CATSPERD: variants seen among roughly 807,000 people sequenced by gnomAD.
The protein encoded by CATSPERD is catsper channel auxiliary subunit delta.
A neutral mutation model predicts 98.1 loss-of-function variants in CATSPERD; 86 were observed. The ratio of observed to expected loss-of-function variants is 0.88; its 90% CI spans 0.74 to 1.05. CATSPERD has a LOEUF of 1.05. CATSPERD is among the 50% of genes least tolerant of loss of function. CATSPERD has a pLI of 0.00. For missense variants in CATSPERD, 995 were observed against 1,005.7 expected (o/e 0.99, Z 0.14); for synonymous variants, 394 against 390.2 (o/e 1.01, Z -0.12).
In CATSPERD at chr19:5,757,655, C is replaced by T. The variant is rs1287760842; in HGVS notation, c.1279-188C>T. Among the ~76,000 whole-genome samples the T allele has an allele frequency of 2.9e-5, 4 of 138,430 alleles. 2 individuals carry two copies. In the South Asian group the frequency reaches 9.1e-4, roughly 32 times the overall value. 90.8% of individuals were successfully genotyped at this position (138,430 alleles called of 152,430 possible). On this transcript the variant is annotated intron_variant, in intron 13 of 21. Transcript: ENST00000381624. Reference sequence around the variant, plus strand: ...AGGATCTCTCTGTGTTGCCCAGGCTCGTCTTGAACTCCTGGGCTCAAGCAG... The same window carrying T: ...AGGATCTCTCTGTGTTGCCCAGGCTTGTCTTGAACTCCTGGGCTCAAGCAG...
chr19:5,728,368 A>T (rs941797299), intron 3 of CATSPERD, among the ~76,000 whole-genome samples: 11 of 149,996 alleles, frequency 7.3e-5, no homozygotes, highest in African/African-American at 2.7e-4. Context: ...AAAAAAAAAA[A>T]AAAAAAGAAA....
At chr19:5,777,670 G>C (rs896178410) in intron 21 of CATSPERD, among the ~76,000 whole-genome samples, 1 of 152,134 alleles carries the variant, frequency 6.6e-6, no homozygotes, top group Non-Finnish European at 1.5e-5. Flanking sequence ...ATCACTTGAA[G>C]TCAGGAGTTC....
At chr19:5,756,108 C>G (rs1360658627) in intron 13 of CATSPERD, among the ~76,000 whole-genome samples, 3 of 151,602 alleles carry the variant, frequency 2.0e-5, no homozygotes, top group Admixed American at 6.6e-5. Context: ...TAGTGAAACC[C>G]CATTTCTACT....
chr19:5,755,878 G>A (rs1002482962), intron 13 of CATSPERD, among the ~76,000 whole-genome samples: 48 of 152,192 alleles, frequency 3.2e-4, no homozygotes, highest in African/African-American at 1.1e-3. Flanking sequence ...TAAGGCAGGA[G>A]GCTGAGGCAG....
In CATSPERD at chr19:5,772,890, CAT is replaced by C. The variant is rs1457280395; in HGVS notation, c.1867_1868del (p.Met623ValfsTer85). The C allele has an allele frequency of 6.2e-7, 1 of 1,614,140 alleles. No individual in the cohort carries two copies. Among genetic ancestry groups the C allele is most frequent in the Admixed American group, 1.7e-5 (1 of 59,998 alleles). On this transcript the variant is annotated frameshift_variant, in exon 20 of 22. Transcript: ENST00000381624. LOFTEE classifies it high-confidence loss of function. ...YSYSLTAQSA[M>X]CTSQPQNWTT... ...CCTATTCCCTGACGGCCCAGTCGGC[CAT>C]GTGTACCTCCCAGCCGCAGAACTGG...
At chr19:5,774,360 T>C (rs1232837445) in intron 20 of CATSPERD, among the ~76,000 whole-genome samples, 1 of 152,282 alleles carries the variant, frequency 6.6e-6, no homozygotes, top group East Asian at 1.9e-4. Flanking sequence ...TACTATTTTT[T>C]TTCCATCAGC....
At chr19:5,729,130 T>C (rs1162627854) in intron 3 of CATSPERD, among the ~76,000 whole-genome samples, 1 of 150,920 alleles carries the variant, frequency 6.6e-6, no homozygotes, top group Non-Finnish European at 1.5e-5. Context: ...TGTTTCACTC[T>C]TGTCGCCCAG....
chr19:5,763,324 C>T (rs781326354), intron 16 of CATSPERD, 31 bp downstream of exon 16: 14 of 1,574,160 alleles, frequency 8.9e-6, no homozygotes, highest in Middle Eastern at 1.7e-4. Context: ...GTCCCATATT[C>T]GGTGTCATAA....
chr19:5,733,687 C>T (rs1396130668), intron 4 of CATSPERD, among the ~76,000 whole-genome samples, 169 bp from the exon 5 acceptor site: 1 of 152,004 alleles, frequency 6.6e-6, no homozygotes, highest in Non-Finnish European at 1.5e-5. Flanking sequence ...AAACTCCTGA[C>T]CTCGGTGATC....
At position 5,778,451 on chromosome 19, in the gene CATSPERD, C is replaced by A. The variant is rs190490124; in HGVS notation, c.2172C>A (p.Val724=). ...CCGTGCAGCTGGTCTCTGCTGGAGT[C>A]GTCATCCTACTGATCATCTCCAGCA... ...AFPVQLVSAG[V]VILLIISSIL... Residue 724 remains valine, a synonymous_variant, in exon 22 of 22, where the codon GTC becomes GTA. Transcript: ENST00000381624. 12 of 1,613,836 alleles carry A rather than the reference C, an allele frequency of 7.4e-6. No homozygotes were observed. The highest frequency in any genetic ancestry group is 1.7e-5 in the Admixed American group (1 of 59,974).
intron 1 of CATSPERD, 106 bp from the exon 2 acceptor site, chr19:5,724,702 C>T (rs1359594684): frequency 6.8e-6 from 8 of 1,184,684 alleles, no homozygotes; most frequent in Middle Eastern, 2.0e-4. Flanking sequence ...CCGTCCCCCC[C>T]AAAAAAGAAC....
intron 15 of CATSPERD, among the ~76,000 whole-genome samples, chr19:5,761,989 T>C (rs8103994): frequency 0.81 from 107,140 of 131,934 alleles, 43,882 homozygotes; most frequent in Non-Finnish European, 0.86. Context: ...GTGCCCGCCT[T>C]GGCCTCCCAA....
Position 5,749,128 on chromosome 19 carries a change from GGGA to G in CATSPERD, c.936_938del (p.Glu312del). On this transcript the variant is annotated inframe_deletion, in exon 11 of 22. Coordinates refer to ENST00000381624, the MANE Select transcript of CATSPERD (RefSeq NM_152784.4). ...GAAAATGAACTGGCAGTTATAACTC[GGGA>G]GGATAATTTGTATTATGGCAATCTG... is the stretch of plus-strand genomic sequence containing the variant. 6.2e-7 allele frequency: 1 copy of G among 1,611,948 alleles called. No homozygotes were observed. Among genetic ancestry groups the G allele is most frequent in the Non-Finnish European group, 8.5e-7 (1 of 1,179,234 alleles).
chr19:5,739,357 G>C lies in CATSPERD; in HGVS notation c.491G>C (p.Arg164Pro), dbSNP rs199601443. The change falls in exon 7 of 22, where the codon CGT becomes CCT. Residue 164 changes from arginine to proline, a missense_variant. This residue lies in a region of CATSPERD where 228 missense variants were observed against 209.6 expected (regional missense o/e 1.09). Transcript: ENST00000381624. Reference protein sequence around the residue: ...HVSNLVFAYFRGDQISQTYIY... With the variant: ...HVSNLVFAYFPGDQISQTYIY... ...AGTAATTTGGTTTTTGCATATTTCC[G>C]TGGAGATCAGATATCCCAGACTTAT... 1 of 1,578,058 alleles carries C rather than the reference G, an allele frequency of 6.3e-7. No individual in the cohort carries two copies. Among genetic ancestry groups the C allele is most frequent in the South Asian group, 1.2e-5 (1 of 85,772 alleles).
rs1466999500 is a variant in CATSPERD, at chr19:5,765,668, C to T, written c.1507-435C>T. ...CTCTACTAAAAATACAAAAATTAGCCGGGTGTGCTGGTAGGCGCCTGTAAT... is the reference window on the plus strand; with the variant it reads ...CTCTACTAAAAATACAAAAATTAGCTGGGTGTGCTGGTAGGCGCCTGTAAT... On this transcript the variant is annotated intron_variant, in intron 16 of 21. Coordinates refer to ENST00000381624, the MANE Select transcript of CATSPERD (RefSeq NM_152784.4). 2.6e-5 allele frequency among the ~76,000 whole-genome samples: 4 copies of T among 151,752 alleles called. No homozygotes were observed. In the East Asian group the frequency reaches 7.8e-4, roughly 29 times the overall value.
In CATSPERD at chr19:5,727,284, A is replaced by C. The variant is rs749282599; in HGVS notation, c.143A>C (p.His48Pro). The change falls in exon 3 of 22, where the codon CAT becomes CCT. Residue 48 changes from histidine (H) to proline (P), a missense_variant. Physicochemically the swap from His to Pro is moderately conservative, Grantham distance 77. This residue lies in a region of CATSPERD where 228 missense variants were observed against 209.6 expected (regional missense o/e 1.09). Coordinates refer to ENST00000381624, the MANE Select transcript of CATSPERD (RefSeq NM_152784.4). The stretch of plus-strand genomic sequence containing the variant: ...TCTCTCTAGGACCGCCTGTATTTTC[A>C]TCCTACAACAACACGCTTGATTAAA... ...QDVQGDRLYF[H>P]PTTTRLIKHP... 2 of 1,613,470 alleles carry C rather than the reference A, an allele frequency of 1.2e-6. No individual in the cohort carries two copies. The highest frequency in any genetic ancestry group is 1.7e-6 in the Non-Finnish European group (2 of 1,179,394).
At chr19:5,765,536 G>C (rs2056522053) in intron 16 of CATSPERD, among the ~76,000 whole-genome samples, 1 of 152,044 alleles carries the variant, frequency 6.6e-6, no homozygotes, top group African/African-American at 2.4e-5. Context: ...TCTGGGCCTG[G>C]CATGGTGGCT....
At chr19:5,770,487 G>A (rs1029970608) in intron 18 of CATSPERD, among the ~76,000 whole-genome samples, 1 of 150,638 alleles carries the variant, frequency 6.6e-6, no homozygotes, top group Non-Finnish European at 1.5e-5. Flanking sequence ...CTAATTTAAG[G>A]AGCAGAAATT....
At chr19:5,757,128 T>C (rs779821810) in intron 13 of CATSPERD, among the ~76,000 whole-genome samples, 2 of 144,332 alleles carry the variant, frequency 1.4e-5, no homozygotes, top group African/African-American at 2.6e-5. Flanking sequence ...CGCATGCCTG[T>C]AATCCCAACT....
Sources: allele counts gnomAD v4.1 joint callset (sites outside exome capture counted in the v4.1 genomes callset), GRCh38; gene constraint gnomAD v4.1.1; regional missense constraint gnomAD v4.1.1; transcripts MANE v1.5; gene names NCBI Gene and HGNC (gene_info 2026-07-23, HGNC 2026-07-21).